Variants in MAGI2 observed in about 807,000 individuals in gnomAD.
MAGI2 encodes membrane-associated guanylate kinase, WW and PDZ domain-containing protein 2.
In MAGI2, 35 loss-of-function variants were observed where a neutral mutation model predicts 133.3. The ratio of observed to expected loss-of-function variants is 0.26; its 90% CI spans 0.20 to 0.35. MAGI2 has a LOEUF of 0.35. Ranked by LOEUF, MAGI2 falls within the 10% of genes least tolerant of loss-of-function variation. MAGI2 has a pLI of 1.00. For synonymous variants in MAGI2, 729 were observed against 710.6 expected (o/e 1.03, Z -0.41); for missense variants, 1,636 against 1,863.4 (o/e 0.88, Z 2.25).
At chr7:78,169,355 A>G (rs1432607245) in intron 14 of MAGI2, among the ~76,000 whole-genome samples, 1 of 152,198 alleles carries the variant, frequency 6.6e-6, no homozygotes, top group East Asian at 1.9e-4. Flanking sequence ...TACAGAGGCT[A>G]TGTTTCATTT....
At chr7:78,477,659 T>A (rs1257981675) in intron 6 of MAGI2, among the ~76,000 whole-genome samples, 1 of 151,784 alleles carries the variant, frequency 6.6e-6, no homozygotes, top group Non-Finnish European at 1.5e-5. Context: ...AGGAGAACAG[T>A]TTAGGGGAAA....
chr7:78,455,486 T>C (rs868373604), intron 6 of MAGI2, among the ~76,000 whole-genome samples: 1 of 152,170 alleles, frequency 6.6e-6, no homozygotes, highest in African/African-American at 2.4e-5. Flanking sequence ...CTTCAGACTA[T>C]AATCTCTTTA....
chr7:79,171,770 A>ATATATATATATATATATATTTTTTTTT, intron 1 of MAGI2, among the ~76,000 whole-genome samples: 2 of 31,218 alleles, frequency 6.4e-5, no homozygotes, highest in Non-Finnish European at 1.1e-4. Flanking sequence ...ATATATATAT[A>ATATATATATATATATATATTTTTTTTT]TTTTTTTTTT....
At chr7:78,832,380 A>G (rs62467664) in intron 2 of MAGI2, among the ~76,000 whole-genome samples, 5,425 of 152,304 alleles carry the variant, frequency 0.036, 164 homozygotes, top group Non-Finnish European at 0.057. Flanking sequence ...TGAATACATA[A>G]AATCCAATCC....
intron 6 of MAGI2, among the ~76,000 whole-genome samples, chr7:78,397,675 A>G (rs1375709866): frequency 1.3e-5 from 2 of 152,170 alleles, no homozygotes; most frequent in Non-Finnish European, 2.9e-5. Flanking sequence ...CTAACATTTT[A>G]TGAACATTTA....
chr7:78,123,354 G>C (rs191101834), intron 20 of MAGI2, among the ~76,000 whole-genome samples: 83 of 152,114 alleles, frequency 5.5e-4, no homozygotes, highest in Admixed American at 2.2e-3. Flanking sequence ...GAAATCACAG[G>C]CAGAACTAAC....
At chr7:78,311,980 A>G (rs1173785046) in intron 9 of MAGI2, among the ~76,000 whole-genome samples, 1 of 152,100 alleles carries the variant, frequency 6.6e-6, no homozygotes, top group African/African-American at 2.4e-5. Flanking sequence ...CATGTTGGCC[A>G]GGTTGGTCTC....
intron 2 of MAGI2, among the ~76,000 whole-genome samples, chr7:78,832,154 C>T (rs1314242831): frequency 2.0e-5 from 3 of 148,234 alleles, no homozygotes; most frequent in Non-Finnish European, 3.0e-5. Context: ...TCAAAGTATT[C>T]TCTGAAGAAA....
At chr7:79,344,732 A>G (rs1009385586) in intron 1 of MAGI2, among the ~76,000 whole-genome samples, 3 of 152,090 alleles carry the variant, frequency 2.0e-5, no homozygotes, top group South Asian at 2.1e-4. Context: ...CTTGCGTTGT[A>G]CCTTGAGGGT....
intron 1 of MAGI2, among the ~76,000 whole-genome samples, chr7:79,196,946 T>TA (rs1554402155): frequency 0.017 from 2,649 of 151,724 alleles, 42 homozygotes; most frequent in Middle Eastern, 0.031. Context: ...TTTTGATTTT[T>TA]TATATATATA....
intron 1 of MAGI2, among the ~76,000 whole-genome samples, chr7:79,088,173 C>G (rs1257069510): frequency 6.6e-6 from 1 of 152,038 alleles, no homozygotes; most frequent in African/African-American, 2.4e-5. Context: ...TTTCCTTGAG[C>G]AATAGTTAGT....
chr7:78,832,951 G>A (rs1409443304), intron 2 of MAGI2, among the ~76,000 whole-genome samples: 1 of 152,134 alleles, frequency 6.6e-6, no homozygotes, highest in Non-Finnish European at 1.5e-5. Context: ...CGCATGAGGG[G>A]CACCTGTTCA....
At chr7:79,124,952 TA>T in intron 1 of MAGI2, 1 of 286,172 alleles carries the variant, frequency 3.5e-6, no homozygotes, top group East Asian at 9.2e-5. Context: ...AGCCCTGAAT[TA>T]AAAGCCACGA....
intron 6 of MAGI2, among the ~76,000 whole-genome samples, chr7:78,375,798 G>T (rs201527490): frequency 1.9e-4 from 1 of 5,346 alleles, no homozygotes; most frequent in South Asian, 4.1e-3. Flanking sequence ...AAATTTTCTT[G>T]TAAAAGTTAT....
In MAGI2 at chr7:78,328,233, A is replaced by C. The variant is rs1216370515; in HGVS notation, c.1408+15545T>G. 2.6e-5 allele frequency among the ~76,000 whole-genome samples: 4 copies of C among 152,036 alleles called. No homozygotes were observed. The East Asian group carries it at 5.8e-4, about 22-fold the overall frequency. ...CTTTGCATTTTGTTAAAAAAAACCCAAAAACCCCTCAAGGACTTACGCCTT... is the reference window on the plus strand; with the variant it reads ...CTTTGCATTTTGTTAAAAAAAACCCCAAAACCCCTCAAGGACTTACGCCTT... On this transcript the variant is annotated intron_variant, in intron 9 of 21. Transcript: ENST00000354212.
At chr7:78,647,655 A>C (rs1811040610) in intron 2 of MAGI2, among the ~76,000 whole-genome samples, 1 of 152,236 alleles carries the variant, frequency 6.6e-6, no homozygotes. Flanking sequence ...GTATATACCC[A>C]AAGGATTATG....
chr7:78,502,516 G>C (rs764651746), intron 4 of MAGI2, among the ~76,000 whole-genome samples: 8 of 152,156 alleles, frequency 5.3e-5, no homozygotes, highest in Non-Finnish European at 8.8e-5. Context: ...TTACAGTACA[G>C]TAAGATAGAG....
chr7:79,167,397 C>CAAAAAAAAAAAAAA, intron 1 of MAGI2, among the ~76,000 whole-genome samples: 1 of 84,734 alleles, frequency 1.2e-5, no homozygotes, highest in Non-Finnish European at 2.4e-5. Context: ...CCAAAAATGG[C>CAAAAAAAAAAAAAA]AAAAAAAAAA....
chr7:78,288,819 G>A (rs1796411002), intron 9 of MAGI2, among the ~76,000 whole-genome samples: 1 of 152,196 alleles, frequency 6.6e-6, no homozygotes, highest in Non-Finnish European at 1.5e-5. Context: ...AGCCTCCGCT[G>A]GTGATACCCA....
Sources: gnomAD v4.1 joint callset for allele counts (sites outside exome capture counted in the v4.1 genomes callset) on GRCh38, gnomAD v4.1.1 for gene constraint, MANE v1.5 for transcripts, NCBI Gene and HGNC (gene_info 2026-07-23, HGNC 2026-07-21) for gene names.